The following NOP14 variants were observed in gnomAD, a reference collection of about 807,000 sequenced individuals.
NOP14 encodes nucleolar protein 14.
In NOP14, 57 loss-of-function variants were observed where a neutral mutation model predicts 101.6. The observed-to-expected ratio is 0.56, with a 90% CI of 0.45 to 0.70. The LOEUF is 0.70. NOP14 is among the 30% of genes least tolerant of loss of function. The pLI is 0.00. For synonymous variants in NOP14, 428 were observed against 424.0 expected (o/e 1.01, Z -0.12); for missense variants, 1,134 against 1,075.5 (o/e 1.05, Z -0.76).
Position 2,949,861 on chromosome 4 carries a change from G to C in NOP14, c.1282+73C>G, listed in dbSNP as rs1714894931. 4.9e-5 allele frequency: 77 copies of C among 1,558,774 alleles called. No homozygotes were observed. In the South Asian group the frequency reaches 8.9e-4, roughly 18 times the overall value. ...CCACAAATGCAACCCCTGGGAGGGA[G>C]ACGAACACACACAGCTATGGCCAGG... On this transcript the variant is annotated intron_variant, in intron 8 of 17. Transcript: ENST00000416614.
At chr4:2,947,804 T>C (rs1714754649) in intron 9 of NOP14, 193 bp from the exon 10 acceptor site, 1 of 606,456 alleles carries the variant, frequency 1.6e-6, no homozygotes, top group Non-Finnish European at 2.9e-6. Flanking sequence ...CTAGAAGGTG[T>C]AGGGGGGAGA....
Position 2,956,152 on chromosome 4 carries a change from T to C in NOP14, c.472+518A>G, listed in dbSNP as rs1168829059. ...GCCAAAATTTATCTGTTTCATGTTGTTATCTACAGATATGAGGCTCAATAT... is the reference window on the plus strand; with the variant it reads ...GCCAAAATTTATCTGTTTCATGTTGCTATCTACAGATATGAGGCTCAATAT... On this transcript the variant is annotated intron_variant, in intron 3 of 17. Coordinates refer to ENST00000416614, the MANE Select transcript of NOP14 (RefSeq NM_001291978.2). Among the ~76,000 whole-genome samples, 3 of 152,264 alleles carry C rather than the reference T, an allele frequency of 2.0e-5. No individual in the cohort carries two copies. In the East Asian group the frequency reaches 5.8e-4, roughly 29 times the overall value.
intron 10 of NOP14, 46 bp downstream of exon 10, chr4:2,947,480 G>T: frequency 7.7e-7 from 1 of 1,304,116 alleles, no homozygotes. Context: ...GAGAAAAATT[G>T]TTCTGCTTAA....
intron 13 of NOP14, 132 bp from the exon 14 acceptor site, chr4:2,942,483 C>A: frequency 1.0e-6 from 1 of 975,346 alleles, no homozygotes; most frequent in Non-Finnish European, 1.5e-6. Context: ...TGGGTTGTGC[C>A]AGACACTGAG....
rs1715000990 is a variant in NOP14 at position 2,951,140 on chromosome 4, C to T, written c.976G>A (p.Asp326Asn). 6.2e-7 allele frequency: 1 copy of T among 1,613,528 alleles called. No individual in the cohort carries two copies. The highest frequency in any genetic ancestry group is 1.1e-5 in the South Asian group (1 of 91,050). Residue 326 changes from aspartate (D) to asparagine (N), a missense_variant, in exon 7 of 18, where the codon GAT becomes AAT. Physicochemically the swap from Asp to Asn is conservative, Grantham distance 23. Coordinates refer to ENST00000416614, the MANE Select transcript of NOP14 (RefSeq NM_001291978.2). Reference sequence around the variant, plus strand: ...TTGTAGGAAAGCAAACGCCTGTCATCTTTATCTAGCACGAAGCCATCATTC... The same window carrying T: ...TTGTAGGAAAGCAAACGCCTGTCATTTTTATCTAGCACGAAGCCATCATTC... ...DLNDGFVLDK[D>N]DRRLLSYKDG...
chr4:2,955,089 C>A (rs1163642104), intron 3 of NOP14, among the ~76,000 whole-genome samples: 3 of 140,338 alleles, frequency 2.1e-5, no homozygotes, highest in South Asian at 2.4e-4. Context: ...TAGTCACCTG[C>A]GCCACGGCGC....
rs749804670 is a variant in NOP14 at position 2,948,314 on chromosome 4, G to A, written c.1377C>T (p.His459=). The A allele has an allele frequency of 2.5e-6, 4 of 1,608,816 alleles. No homozygotes were observed. The highest frequency in any genetic ancestry group is 2.2e-5 in the South Asian group (2 of 90,368). Reference sequence around the variant, plus strand: ...CTTTGTTTCCTTCTGCGAGACTCGGGTGGTTGCACTTCTGAATTCTCTCCA... The same window carrying A: ...CTTTGTTTCCTTCTGCGAGACTCGGATGGTTGCACTTCTGAATTCTCTCCA... ...LVVERIQKCN[H]PSLAEGNKAK... is the part of the protein sequence containing the mutation. Residue 459 remains histidine (H), a synonymous_variant, in exon 9 of 18, where the codon CAC becomes CAT. Transcript: ENST00000416614.
At chr4:2,945,099 G>T in intron 12 of NOP14, 29 bp downstream of exon 12, 2 of 1,501,100 alleles carry the variant, frequency 1.3e-6, no homozygotes, top group East Asian at 2.4e-5. Context: ...GCAGCAGGCC[G>T]ACCCCTGCCG....
intron 1 of NOP14, 135 bp downstream of exon 1, chr4:2,962,990 C>G: frequency 1.1e-6 from 1 of 871,666 alleles, no homozygotes; most frequent in Non-Finnish European, 1.6e-6. Flanking sequence ...TTCGGACTAT[C>G]AAGTCAGTGC....
chr4:2,943,981 G>A (rs1465707767), intron 13 of NOP14, 92 bp downstream of exon 13: 13 of 1,065,018 alleles, frequency 1.2e-5, no homozygotes, highest in African/African-American at 4.8e-5. Flanking sequence ...CTCTACTTTC[G>A]CATATTCTAA....
Position 2,938,542 on chromosome 4 carries a change from A to C in NOP14, c.*289T>G, listed in dbSNP as rs1257628717. 1 of 448,198 alleles carries C rather than the reference A, an allele frequency of 2.2e-6. No individual in the cohort carries two copies. Among genetic ancestry groups the C allele is most frequent in the Non-Finnish European group, 4.1e-6 (1 of 246,256 alleles). The allele number at this position is 448,198 out of a possible 1,614,324, so 27.8% of individuals were successfully genotyped here. A position where few individuals can be genotyped will look rare whatever the true frequency, so the allele number is the denominator to read the frequency against. Reference sequence around the variant, plus strand: ...TTTTTTTTAAGCGACACAGTCTTGCACTGTGGCCGAGGCTGGAGTGCAGTG... The same window carrying C: ...TTTTTTTTAAGCGACACAGTCTTGCCCTGTGGCCGAGGCTGGAGTGCAGTG... On this transcript the variant is annotated 3_prime_UTR_variant, in exon 18 of 18. Coordinates refer to ENST00000416614, the MANE Select transcript of NOP14 (RefSeq NM_001291978.2).
At chr4:2,962,763 A>C (rs908696876) in intron 1 of NOP14, among the ~76,000 whole-genome samples, 1 of 152,174 alleles carries the variant, frequency 6.6e-6, no homozygotes, top group Non-Finnish European at 1.5e-5. Flanking sequence ...ATGAAACATC[A>C]AACGCAGCAT....
chr4:2,939,799 G>A (rs562351382), intron 15 of NOP14, among the ~76,000 whole-genome samples, 154 bp from the exon 16 acceptor site: 16 of 148,036 alleles, frequency 1.1e-4, no homozygotes, highest in South Asian at 1.1e-3. Context: ...ACCGGTGGGC[G>A]GGGGGGTAAG....
chr4:2,956,747 T>A lies in NOP14; in HGVS notation c.395A>T (p.Gln132Leu). 6.2e-7 allele frequency: 1 copy of A among 1,613,456 alleles called. No homozygotes were observed. Reference protein sequence around the residue: ...NEDEELTHYGQSLADIEKHND... With the variant: ...NEDEELTHYGLSLADIEKHND... ...ATGCTTCTCGATGTCTGCCAAAGAC[T>A]GGCCATAATGAGTCAATTCTTCATC... Residue 132 changes from glutamine (Q) to leucine (L), a missense_variant, in exon 3 of 18, where the codon CAG becomes CTG. By Grantham distance (113) the Gln-to-Leu change is moderately radical. Transcript: ENST00000416614.
At position 2,944,203 on chromosome 4, in the gene NOP14, G is replaced by A. The variant is rs766315971; in HGVS notation, c.1761C>T (p.Asp587=). The change falls in exon 13 of 18, where the codon GAC becomes GAT. Residue 587 remains aspartate, a synonymous_variant. Coordinates refer to ENST00000416614, the MANE Select transcript of NOP14 (RefSeq NM_001291978.2). ...LTKCPILSLQ[D]VVKGLFVCCL... ...AGCACACGAACAGGCCCTTCACCAC[G>A]TCCTGGAGGGACAGGATGGGGCACT... The A allele has an allele frequency of 2.2e-5, 36 of 1,613,604 alleles. No homozygotes were observed. Among genetic ancestry groups the A allele is most frequent in the East Asian group, 6.7e-5 (3 of 44,888 alleles).
rs150068008 is a variant in NOP14 at position 2,953,485 on chromosome 4, A to C, written c.747+26T>G. On this transcript the variant is annotated intron_variant, in intron 5 of 17. Transcript: ENST00000416614. ...GGTCACCCAAGCTCAGTGAGTGAAG[A>C]GTTTGTTTCAGTACTTGGCTCCCAC... is the stretch of plus-strand genomic sequence containing the variant. 1.4e-3 allele frequency: 2,187 copies of C among 1,612,360 alleles called. 16 individuals are homozygous for C. Among genetic ancestry groups the C allele is most frequent in the African/African-American group, 1.0e-2 (746 of 74,864 alleles).
intron 1 of NOP14, chr4:2,961,477 G>C (rs1234488772): frequency 2.0e-5 from 3 of 152,154 alleles, no homozygotes; most frequent in African/African-American, 7.2e-5. Context: ...GAAGCCAACT[G>C]AGGCAGCCTG....
intron 13 of NOP14, 88 bp from the exon 14 acceptor site, chr4:2,942,439 C>T (rs1247530459): frequency 7.4e-7 from 1 of 1,348,760 alleles, no homozygotes; most frequent in Non-Finnish European, 1.0e-6. Flanking sequence ...TGGAAGTTCA[C>T]CCTCTAACAG....
At chr4:2,945,077 G>T in intron 12 of NOP14, 51 bp downstream of exon 12, 2 of 1,341,960 alleles carry the variant, frequency 1.5e-6, no homozygotes, top group Non-Finnish European at 2.1e-6. Flanking sequence ...TGTGGCTCCG[G>T]CCACCCGTGG....
Sources: allele counts gnomAD v4.1 joint callset (sites outside exome capture counted in the v4.1 genomes callset), GRCh38; gene constraint gnomAD v4.1.1; transcripts MANE v1.5; gene names NCBI Gene and HGNC (gene_info 2026-07-23, HGNC 2026-07-21).